The following CSMD1 variants were observed in gnomAD, a reference collection of about 807,000 sequenced individuals.
CSMD1 encodes CUB and sushi domain-containing protein 1.
A neutral mutation model predicts 417.5 loss-of-function variants in CSMD1; 213 were observed. The ratio of observed to expected loss-of-function variants is 0.51; its 90% CI spans 0.46 to 0.57. The LOEUF is 0.57. Among genes scored for constraint, CSMD1 ranks in the 20% least tolerant of loss-of-function variants. The pLI, the probability that CSMD1 is intolerant of heterozygous loss-of-function variation, is 0.00. For missense variants in CSMD1, 6,923 were observed against 4,529.7 expected, an observed-to-expected ratio of 1.53 and a Z score of -15.17; for synonymous variants, 2,862 against 1,736.8, an observed-to-expected ratio of 1.65 and a Z score of -16.11.
chr8:4,029,332 G>A (rs185065539), intron 4 of CSMD1, among the ~76,000 whole-genome samples: 7 of 152,150 alleles, frequency 4.6e-5, no homozygotes, highest in Non-Finnish European at 1.0e-4. Flanking sequence ...CCAAGAATGG[G>A]CAATTTACAA....
chr8:4,025,935 A>T (rs1477129475), intron 4 of CSMD1, among the ~76,000 whole-genome samples: 2 of 152,096 alleles, frequency 1.3e-5, no homozygotes, highest in African/African-American at 4.8e-5. Context: ...GCTAGTTTGA[A>T]TAAATTATAA....
chr8:4,337,238 C>T (rs1800224677), intron 3 of CSMD1, among the ~76,000 whole-genome samples: 1 of 152,122 alleles, frequency 6.6e-6, no homozygotes, highest in Admixed American at 6.6e-5. Flanking sequence ...AAAAACTCCA[C>T]TGCCTGATAA....
chr8:4,274,164 T>G (rs1355067074), intron 3 of CSMD1, among the ~76,000 whole-genome samples: 1 of 152,166 alleles, frequency 6.6e-6, no homozygotes, highest in Non-Finnish European at 1.5e-5. Flanking sequence ...TGTATTTTTT[T>G]GCAAAGTTAA....
At chr8:3,728,686 T>A (rs73187231) in intron 6 of CSMD1, among the ~76,000 whole-genome samples, 1 of 151,260 alleles carries the variant, frequency 6.6e-6, no homozygotes, top group Non-Finnish European at 1.5e-5. Flanking sequence ...GTAGAAAGAG[T>A]GCTCTTGTAA....
intron 1 of CSMD1, among the ~76,000 whole-genome samples, chr8:4,672,099 G>C (rs754528462): frequency 3.9e-5 from 6 of 152,206 alleles, no homozygotes; most frequent in Non-Finnish European, 8.8e-5. Flanking sequence ...GCTTTCTACA[G>C]TGACAGGACC....
intron 7 of CSMD1, among the ~76,000 whole-genome samples, chr8:3,618,519 T>C (rs1432250243): frequency 6.6e-6 from 1 of 152,164 alleles, no homozygotes; most frequent in African/African-American, 2.4e-5. Flanking sequence ...GATGTGACAA[T>C]TATATTGAAT....
intron 23 of CSMD1, among the ~76,000 whole-genome samples, chr8:3,318,814 A>C (rs778183201): frequency 2.6e-5 from 4 of 152,188 alleles, no homozygotes; most frequent in Non-Finnish European, 5.9e-5. Flanking sequence ...ACAGCCACAC[A>C]CCAAGAAATA....
At chr8:3,843,340 C>A (rs1189307987) in intron 5 of CSMD1, among the ~76,000 whole-genome samples, 1 of 152,120 alleles carries the variant, frequency 6.6e-6, no homozygotes, top group African/African-American at 2.4e-5. Context: ...CGTTTGAAGA[C>A]TTTATTTACT....
intron 1 of CSMD1, among the ~76,000 whole-genome samples, chr8:4,883,662 C>T (rs532005971): frequency 2.6e-5 from 4 of 152,056 alleles, no homozygotes; most frequent in Non-Finnish European, 5.9e-5. Context: ...GTACTTTATG[C>T]TTTTTATTGC....
chr8:4,517,435 C>G (rs1563249529), intron 2 of CSMD1, among the ~76,000 whole-genome samples: 2 of 152,152 alleles, frequency 1.3e-5, no homozygotes, highest in African/African-American at 4.8e-5. Flanking sequence ...AAAGAAGAGT[C>G]TGTATTTCAC....
At chr8:4,465,243 G>C (rs375502870) in intron 2 of CSMD1, among the ~76,000 whole-genome samples, 2 of 152,134 alleles carry the variant, frequency 1.3e-5, no homozygotes, top group Non-Finnish European at 2.9e-5. Flanking sequence ...GTTTGAGTAT[G>C]TGTCTCTTTC....
At chr8:4,121,910 T>C (rs1325751093) in intron 3 of CSMD1, among the ~76,000 whole-genome samples, 1 of 152,094 alleles carries the variant, frequency 6.6e-6, no homozygotes, top group African/African-American at 2.4e-5. Flanking sequence ...AACTCATGAA[T>C]CACACATCAC....
At chr8:3,226,444 G>A (rs773926025) in intron 27 of CSMD1, among the ~76,000 whole-genome samples, 107 of 152,052 alleles carry the variant, frequency 7.0e-4, no homozygotes, top group African/African-American at 2.5e-3. Context: ...ATAGCCGGGC[G>A]TGGTGGCACG....
intron 3 of CSMD1, among the ~76,000 whole-genome samples, chr8:4,299,215 G>C (rs1260353517): frequency 1.3e-5 from 2 of 152,168 alleles, no homozygotes; most frequent in Non-Finnish European, 2.9e-5. Flanking sequence ...GCCAGGTAAT[G>C]TAAGTCATCA....
Position 3,578,824 on chromosome 8 carries a change from G to C in CSMD1, c.1223-3758C>G, listed in dbSNP as rs189870790. On this transcript the variant is annotated intron_variant, in intron 9 of 69. Transcript: ENST00000635120. ...TCTGTGCTAAACAGGCATTCAATTA[G>C]TCAACGAAGTATGTGATTAACCAGC... Among the ~76,000 whole-genome samples, 17 of 152,248 alleles carry C rather than the reference G, an allele frequency of 1.1e-4. No individual in the cohort carries two copies. In the East Asian group the frequency reaches 2.9e-3, roughly 26 times the overall value.
intron 3 of CSMD1, among the ~76,000 whole-genome samples, chr8:4,183,511 G>A (rs924758307): frequency 6.6e-6 from 1 of 152,146 alleles, no homozygotes; most frequent in Non-Finnish European, 1.5e-5. Context: ...CTTCTATCAT[G>A]CACAGACATT....
At chr8:4,419,824 G>A (rs1585046347) in intron 3 of CSMD1, 129 bp downstream of exon 3, 11 of 604,510 alleles carry the variant, frequency 1.8e-5, no homozygotes, top group Non-Finnish European at 2.7e-5. Flanking sequence ...GCATTACACA[G>A]AAGCCAAATG....
intron 7 of CSMD1, among the ~76,000 whole-genome samples, chr8:3,642,942 A>G (rs1797378726): frequency 6.6e-6 from 1 of 152,064 alleles, no homozygotes; most frequent in Non-Finnish European, 1.5e-5. Context: ...ACTAATAGTT[A>G]AAATAAAAAA....
chr8:4,449,292 C>T (rs535843947), intron 2 of CSMD1, among the ~76,000 whole-genome samples: 3 of 152,086 alleles, frequency 2.0e-5, no homozygotes, highest in Non-Finnish European at 2.9e-5. Context: ...AATGTTTTAC[C>T]AGGAGCAGAT....
Sources: allele counts gnomAD v4.1 joint callset (sites outside exome capture counted in the v4.1 genomes callset), GRCh38; gene constraint gnomAD v4.1.1; transcripts MANE v1.5; gene names NCBI Gene and HGNC (gene_info 2026-07-23, HGNC 2026-07-21).